The following CAMKMT variants were observed in gnomAD, a reference collection of about 807,000 sequenced individuals.
The protein encoded by CAMKMT is CaM KMT.
In CAMKMT, 53 loss-of-function variants were observed where a neutral mutation model predicts 48.0. That is an observed-to-expected ratio of 1.10 (90% CI 0.89 to 1.39). The LOEUF (loss-of-function observed/expected upper bound fraction) is 1.39, where lower values mean the gene tolerates loss of function less well. CAMKMT is among the 40% of genes most tolerant of loss of function. The probability of loss-of-function intolerance (pLI) is 0.00; values close to 1 mark genes in which losing one functional copy is unlikely to be tolerated. For missense variants in CAMKMT, 428 were observed against 402.7 expected (o/e 1.06, Z -0.54); for synonymous variants, 165 against 152.3 (o/e 1.08, Z -0.61).
intron 3 of CAMKMT, among the ~76,000 whole-genome samples, chr2:44,684,469 A>G (rs1440603785): frequency 2.0e-5 from 3 of 152,038 alleles, no homozygotes; most frequent in Non-Finnish European, 4.4e-5. Flanking sequence ...TACGAATTTT[A>G]TCATAGCAAA....
At position 44,553,383 on chromosome 2, in the gene CAMKMT, G is replaced by A. The variant is rs568541746; in HGVS notation, c.377-150900G>A. On this transcript the variant is annotated intron_variant, in intron 3 of 10. Transcript: ENST00000378494. ...GAGACACTTTTTTTTTTTTTTTTGG[G>A]ACAGTCTCGCTCTGTCACCCAGGCT... is the stretch of plus-strand genomic sequence containing the variant. 4.1e-5 allele frequency among the ~76,000 whole-genome samples: 6 copies of A among 146,614 alleles called. No individual in the cohort carries two copies. In the East Asian group the frequency reaches 1.2e-3, roughly 29 times the overall value.
intron 3 of CAMKMT, among the ~76,000 whole-genome samples, chr2:44,620,718 C>T (rs569439540): frequency 6.6e-6 from 1 of 152,184 alleles, no homozygotes; most frequent in East Asian, 1.9e-4. Context: ...ATTTATTTAT[C>T]TTTAATTCCT....
chr2:44,561,101 C>G (rs985992099), intron 3 of CAMKMT, among the ~76,000 whole-genome samples: 2 of 152,156 alleles, frequency 1.3e-5, no homozygotes, highest in Non-Finnish European at 2.9e-5. Flanking sequence ...TTATTCCAAA[C>G]AACCTTCTTA....
At chr2:44,427,302 A>T (rs895826140) in intron 3 of CAMKMT, among the ~76,000 whole-genome samples, 3 of 152,340 alleles carry the variant, frequency 2.0e-5, no homozygotes, top group African/African-American at 4.8e-5. Context: ...AAAAATTGAC[A>T]ATTGGTCCTA....
chr2:44,589,979 G>A (rs1452855992), intron 3 of CAMKMT, among the ~76,000 whole-genome samples: 5 of 144,322 alleles, frequency 3.5e-5, no homozygotes, highest in East Asian at 2.0e-4. Context: ...TGTTATTTGT[G>A]TATTGACCTT....
chr2:44,391,713 A>G (rs1310770363), intron 3 of CAMKMT, among the ~76,000 whole-genome samples: 3 of 152,200 alleles, frequency 2.0e-5, no homozygotes, highest in Non-Finnish European at 4.4e-5. Context: ...TATGTAAAAT[A>G]AAAATAATTT....
At chr2:44,375,809 G>A (rs1322591467) in intron 2 of CAMKMT, among the ~76,000 whole-genome samples, 2 of 151,562 alleles carry the variant, frequency 1.3e-5, no homozygotes, top group African/African-American at 2.4e-5. Context: ...TTTTAGAGAA[G>A]GAGTCTCAAT....
At chr2:44,373,182 A>G (rs1278485688) in intron 2 of CAMKMT, among the ~76,000 whole-genome samples, 2 of 152,202 alleles carry the variant, frequency 1.3e-5, no homozygotes, top group Non-Finnish European at 2.9e-5. Context: ...ACAAAAAGCC[A>G]TGTTTGTTCT....
At chr2:44,489,914 A>C (rs1013560985) in intron 3 of CAMKMT, among the ~76,000 whole-genome samples, 1 of 152,108 alleles carries the variant, frequency 6.6e-6, no homozygotes, top group African/African-American at 2.4e-5. Context: ...CTTGAAGCCC[A>C]AACCTCAGTA....
chr2:44,675,078 A>AGGC lies in CAMKMT; in HGVS notation c.377-29203_377-29202insCGG, dbSNP rs1553436141. On this transcript the variant is annotated intron_variant, in intron 3 of 10. Transcript: ENST00000378494. ...ACATGCTCGGGATTTACCAACCTTA[A>AGGC]GGGGGGGAAAAAAAAAAAGGCAAGC... Among the ~76,000 whole-genome samples the AGGC allele has an allele frequency of 2.4e-3, 334 of 137,692 alleles. 2 individuals are homozygous for AGGC. The highest frequency in any genetic ancestry group is 4.3e-3 in the Non-Finnish European group (274 of 63,212). 90.3% of individuals were successfully genotyped at this position (137,692 alleles called of 152,430 possible). A position where few individuals can be genotyped will look rare whatever the true frequency, so the allele number is the denominator to read the frequency against.
At chr2:44,459,164 G>C (rs759855883) in intron 3 of CAMKMT, among the ~76,000 whole-genome samples, 1 of 151,860 alleles carries the variant, frequency 6.6e-6, no homozygotes, top group Non-Finnish European at 1.5e-5. Flanking sequence ...ATAGTTGTAA[G>C]CACTATGTAA....
intron 6 of CAMKMT, among the ~76,000 whole-genome samples, chr2:44,709,546 C>G (rs1677759167): frequency 6.6e-6 from 1 of 151,998 alleles, no homozygotes; most frequent in South Asian, 2.1e-4. Context: ...TAATGTTATT[C>G]TTGATTTGCT....
chr2:44,410,319 C>T (rs372564462), intron 3 of CAMKMT, among the ~76,000 whole-genome samples: 6 of 78,026 alleles, frequency 7.7e-5, no homozygotes, highest in Non-Finnish European at 1.6e-4. Context: ...TGCAGTGGCG[C>T]GATCTTGGCT....
chr2:44,461,553 A>G (rs538834807), intron 3 of CAMKMT, among the ~76,000 whole-genome samples: 2 of 152,310 alleles, frequency 1.3e-5, no homozygotes, highest in Non-Finnish European at 2.9e-5. Context: ...CTACTTTAGA[A>G]TGCAAGGTTT....
intron 9 of CAMKMT, among the ~76,000 whole-genome samples, chr2:44,754,707 T>C (rs1383037624): frequency 2.0e-5 from 3 of 152,192 alleles, no homozygotes; most frequent in Non-Finnish European, 4.4e-5. Flanking sequence ...TATATATCCA[T>C]TTATGCCGGT....
intron 3 of CAMKMT, among the ~76,000 whole-genome samples, chr2:44,555,686 T>G (rs1482166689): frequency 6.6e-6 from 1 of 152,140 alleles, no homozygotes; most frequent in African/African-American, 2.4e-5. Flanking sequence ...TTAGGATAGA[T>G]TCCTGGTGAT....
intron 7 of CAMKMT, among the ~76,000 whole-genome samples, chr2:44,733,524 G>A (rs919257255): frequency 3.9e-5 from 6 of 152,132 alleles, no homozygotes; most frequent in African/African-American, 1.4e-4. Flanking sequence ...CCTGACGTTA[G>A]GAAGAAAGCA....
intron 7 of CAMKMT, among the ~76,000 whole-genome samples, chr2:44,731,434 T>A (rs1040024427): frequency 7.9e-5 from 12 of 152,242 alleles, no homozygotes; most frequent in African/African-American, 2.9e-4. Flanking sequence ...CATGAGAATA[T>A]GAGAAAATAA....
intron 3 of CAMKMT, among the ~76,000 whole-genome samples, chr2:44,577,306 G>A (rs1333991788): frequency 6.6e-6 from 1 of 152,168 alleles, no homozygotes; most frequent in Non-Finnish European, 1.5e-5. Context: ...GTTTCAGAAA[G>A]GGGTAGCTGA....
Sources: gnomAD v4.1 joint callset for allele counts (sites outside exome capture counted in the v4.1 genomes callset) on GRCh38, gnomAD v4.1.1 for gene constraint, MANE v1.5 for transcripts, NCBI Gene and HGNC (gene_info 2026-07-23, HGNC 2026-07-21) for gene names.